DAAM2: variants seen among roughly 807,000 people sequenced by gnomAD.
DAAM2 encodes the protein dishevelled associated activator of morphogenesis 2.
DAAM2 carries 39 observed loss-of-function variants against 120.7 expected under a neutral mutation model. The observed-to-expected ratio is 0.32, with a 90% CI of 0.25 to 0.42. The LOEUF (loss-of-function observed/expected upper bound fraction) is 0.42, where lower values mean the gene tolerates loss of function less well. Ranked by LOEUF, DAAM2 falls within the 10% of genes least tolerant of loss-of-function variation. DAAM2 has a pLI of 1.00. For missense variants in DAAM2, 1,283 were observed against 1,401.7 expected, an observed-to-expected ratio of 0.92 and a Z score of 1.35; for synonymous variants, 488 against 524.9, an observed-to-expected ratio of 0.93 and a Z score of 0.96.
At chr6:39,816,976 TC>T (rs1282240328) in intron 1 of DAAM2, among the ~76,000 whole-genome samples, 2 of 152,252 alleles carry the variant, frequency 1.3e-5, no homozygotes, top group African/African-American at 2.4e-5. Context: ...TGTTTAACAT[TC>T]TTGTTGCCGT....
intron 1 of DAAM2, among the ~76,000 whole-genome samples, chr6:39,849,555 G>C (rs935054020): frequency 6.6e-6 from 1 of 152,174 alleles, no homozygotes; most frequent in Admixed American, 6.5e-5. Flanking sequence ...AAGAAACTGA[G>C]GCTCAGAGAG....
chr6:39,798,750 A>G (rs1477508565), intron 1 of DAAM2, among the ~76,000 whole-genome samples: 19 of 152,050 alleles, frequency 1.2e-4, no homozygotes. Flanking sequence ...GGTCTTCCTG[A>G]TCTACTCATC....
At chr6:39,826,658 TC>T (rs1192072935) in intron 1 of DAAM2, among the ~76,000 whole-genome samples, 1 of 152,218 alleles carries the variant, frequency 6.6e-6, no homozygotes. Flanking sequence ...GTGATTTTTT[TC>T]ACTTCATATT....
At position 39,871,509 on chromosome 6, in the gene DAAM2, T is replaced by C. The variant is rs1418286252; in HGVS notation, c.981T>C (p.His327=). The C allele has an allele frequency of 6.4e-7, 1 of 1,551,546 alleles. No individual in the cohort carries two copies. The highest frequency in any genetic ancestry group is 2.0e-5 in the Admixed American group (1 of 51,010). Residue 327 remains histidine, a synonymous_variant, in exon 9 of 25, where the codon CAT becomes CAC. Transcript: ENST00000274867. ...RQHENAILDK[H]LDFFEMVRNE... is the part of the protein sequence containing the mutation. The stretch of plus-strand genomic sequence containing the variant: ...TCTGTCTCCCCATTCTGTCTAGACA[T>C]TTAGACTTCTTCGAGATGGTGCGGA...
At chr6:39,836,242 T>C (rs1763098804) in intron 1 of DAAM2, among the ~76,000 whole-genome samples, 1 of 152,170 alleles carries the variant, frequency 6.6e-6, no homozygotes, top group Non-Finnish European at 1.5e-5. Flanking sequence ...CTTTAAGACT[T>C]AGTTCATTCA....
In DAAM2 at chr6:39,901,753, C is replaced by T; in HGVS notation, c.2983-60C>T. On this transcript the variant is annotated intron_variant, in intron 24 of 24. Coordinates refer to ENST00000274867, the MANE Select transcript of DAAM2 (RefSeq NM_001201427.2). This position sits in a 1 kb window ranked among gnomAD's most constrained non-coding sequence, Gnocchi z 4.5. ...TAGGAGTTAGCCCAGGGTTGGGGGG[C>T]TGCCCTGGCCTCAGCGCCTCTCCCT... 7.0e-7 allele frequency: 1 copy of T among 1,421,214 alleles called. No individual in the cohort carries two copies. Among genetic ancestry groups the T allele is most frequent in the Non-Finnish European group, 9.3e-7 (1 of 1,076,136 alleles). The allele number at this position is 1,421,214 out of a possible 1,614,324, so 88.0% of individuals were successfully genotyped here. A position where few individuals can be genotyped will look rare whatever the true frequency, so the allele number is the denominator to read the frequency against.
At chr6:39,839,438 G>A (rs1763239017) in intron 1 of DAAM2, among the ~76,000 whole-genome samples, 1 of 152,128 alleles carries the variant, frequency 6.6e-6, no homozygotes, top group Non-Finnish European at 1.5e-5. Flanking sequence ...TGTTGAAAGT[G>A]GAAAAAACAG....
chr6:39,904,156 G>A lies in DAAM2; in HGVS notation c.*2119G>A, dbSNP rs1310667678. 2.2e-6 allele frequency: 1 copy of A among 456,042 alleles called. No individual in the cohort carries two copies. Among genetic ancestry groups the A allele is most frequent in the Non-Finnish European group, 4.4e-6 (1 of 226,788 alleles). The allele number at this position is 456,042 out of a possible 1,614,324, so 28.2% of individuals were successfully genotyped here. A position where few individuals can be genotyped will look rare whatever the true frequency, so the allele number is the denominator to read the frequency against. On this transcript the variant is annotated 3_prime_UTR_variant, in exon 25 of 25. Transcript: ENST00000274867. ...CTGGATACGCACCTGGAAACAAAAG[G>A]ACTATGGAAGCTGTTCAAGATACAT...
At chr6:39,828,690 G>A (rs2114178603) in intron 1 of DAAM2, among the ~76,000 whole-genome samples, 1 of 151,872 alleles carries the variant, frequency 6.6e-6, no homozygotes, top group Middle Eastern at 3.4e-3. Context: ...AGCCTCCCGG[G>A]TAGCTGGGAC....
chr6:39,803,337 G>A (rs1015615514), intron 1 of DAAM2, among the ~76,000 whole-genome samples: 6 of 152,202 alleles, frequency 3.9e-5, no homozygotes, highest in Non-Finnish European at 8.8e-5. Context: ...TAGTGCAGAG[G>A]CTTGACAGTG....
In DAAM2 at chr6:39,901,739, C is replaced by T. The variant is rs192955449; in HGVS notation, c.2983-74C>T. ...GCATGACCATGGCCTAGGAGTTAGC[C>T]CAGGGTTGGGGGGCTGCCCTGGCCT... On this transcript the variant is annotated intron_variant, in intron 24 of 24. Coordinates refer to ENST00000274867, the MANE Select transcript of DAAM2 (RefSeq NM_001201427.2). This position sits in a 1 kb window ranked among gnomAD's most constrained non-coding sequence, Gnocchi z 4.5. 4.2e-5 allele frequency: 58 copies of T among 1,370,466 alleles called. No individual in the cohort carries two copies. Among genetic ancestry groups the T allele is most frequent in the Non-Finnish European group, 5.3e-5 (55 of 1,033,302 alleles). 84.9% of individuals were successfully genotyped at this position (1,370,466 alleles called of 1,614,324 possible).
rs559142082 is a variant in DAAM2 at position 39,818,135 on chromosome 6, C to T, written c.-57+25670C>T. The stretch of plus-strand genomic sequence containing the variant: ...TGGAGGCTGCAGCGAGCCGAGGTGG[C>T]GTCACTGCACTCCAGCCTGGGTGAC... On this transcript the variant is annotated intron_variant, in intron 1 of 24. Transcript: ENST00000274867. Among the ~76,000 whole-genome samples the T allele has an allele frequency of 5.5e-5, 8 of 144,854 alleles. No homozygotes were observed. The East Asian group carries it at 1.1e-3, about 19-fold the overall frequency.
intron 1 of DAAM2, among the ~76,000 whole-genome samples, chr6:39,842,610 G>A (rs1763390355): frequency 6.6e-6 from 1 of 152,068 alleles, no homozygotes; most frequent in Admixed American, 6.6e-5. Flanking sequence ...TCCAGCCGGG[G>A]CAACAGACAG....
intron 1 of DAAM2, among the ~76,000 whole-genome samples, chr6:39,827,341 G>A (rs1280969524): frequency 6.6e-6 from 1 of 152,146 alleles, no homozygotes; most frequent in Non-Finnish European, 1.5e-5. Context: ...GCTGTATGAG[G>A]GGCGTCCTGC....
chr6:39,873,789 T>C (rs1259953986), intron 10 of DAAM2, among the ~76,000 whole-genome samples: 2 of 152,220 alleles, frequency 1.3e-5, no homozygotes, highest in Non-Finnish European at 2.9e-5. Context: ...CTTGTTGGCT[T>C]CCACTCTTGC....
chr6:39,879,579 T>C, intron 14 of DAAM2, 102 bp downstream of exon 14: 1 of 1,505,656 alleles, frequency 6.6e-7, no homozygotes, highest in Non-Finnish European at 9.2e-7. Flanking sequence ...CTCTGGGTCC[T>C]TTCTTTGGTG....
At chr6:39,875,560 G>A (rs1582716715) in intron 11 of DAAM2, 92 bp downstream of exon 11, 36 of 1,458,186 alleles carry the variant, frequency 2.5e-5, no homozygotes, top group South Asian at 2.1e-4. Context: ...GCTCCCTTTC[G>A]CAACCCAGTC....
chr6:39,798,619 G>A (rs923289981), intron 1 of DAAM2, among the ~76,000 whole-genome samples: 2 of 152,068 alleles, frequency 1.3e-5, no homozygotes, highest in African/African-American at 2.4e-5. Context: ...TTGCTGTGTC[G>A]GCCAGCAATC....
intron 19 of DAAM2, among the ~76,000 whole-genome samples, chr6:39,892,679 G>A (rs1025225001): frequency 6.6e-6 from 1 of 152,134 alleles, no homozygotes; most frequent in African/African-American, 2.4e-5. Flanking sequence ...GAGGTTACCA[G>A]GCTGGGGGCA....
Sources: gnomAD v4.1 joint callset for allele counts (sites outside exome capture counted in the v4.1 genomes callset) on GRCh38, gnomAD v4.1.1 for gene constraint, Gnocchi (gnomAD v3.1) non-coding constraint, MANE v1.5 for transcripts, NCBI Gene and HGNC (gene_info 2026-07-23, HGNC 2026-07-21) for gene names.